The following CHID1 variants were observed in gnomAD, a reference collection of about 807,000 sequenced individuals.
CHID1 encodes the protein chitinase domain-containing protein 1.
Under a neutral mutation model 55.4 loss-of-function variants are expected in CHID1, and 44 were observed. The observed-to-expected ratio is 0.79, with a 90% CI of 0.62 to 1.02. The LOEUF (loss-of-function observed/expected upper bound fraction) is 1.02. CHID1 is among the 50% of genes least tolerant of loss of function. The pLI is 0.00. For missense variants in CHID1, 491 were observed against 515.3 expected, an observed-to-expected ratio of 0.95 and a Z score of 0.46; for synonymous variants, 216 against 212.9, an observed-to-expected ratio of 1.01 and a Z score of -0.13.
chr11:914,948 A>C, upstream of CHID1: 1 of 209,824 alleles, frequency 4.8e-6, no homozygotes, highest in Non-Finnish European at 9.7e-6. Flanking sequence ...GGCCTGGGTC[A>C]CCCAAGGGCA....
At chr11:873,327 G>A (rs557550358) in intron 10 of CHID1, among the ~76,000 whole-genome samples, 17 of 152,258 alleles carry the variant, frequency 1.1e-4, no homozygotes, top group Admixed American at 2.6e-4. Flanking sequence ...GGCCATCCAG[G>A]CTGGTAACTG....
chr11:885,614 C>A (rs1256711770), intron 8 of CHID1, among the ~76,000 whole-genome samples: 1 of 152,158 alleles, frequency 6.6e-6, no homozygotes, highest in Admixed American at 6.5e-5. Flanking sequence ...TTCTCTATAG[C>A]CAAGTGCCCC....
intron 8 of CHID1, among the ~76,000 whole-genome samples, chr11:891,960 A>AAAAAAAC (rs1565184208): frequency 7.3e-6 from 1 of 137,078 alleles, no homozygotes. Flanking sequence ...AAAAAAAAAA[A>AAAAAAAC]CACAAATTAA....
chr11:881,823 A>G (rs1849958396), intron 10 of CHID1, among the ~76,000 whole-genome samples: 1 of 151,590 alleles, frequency 6.6e-6, no homozygotes, highest in Non-Finnish European at 1.5e-5. Flanking sequence ...ACAACATGGC[A>G]AAACCCTGTC....
chr11:888,939 G>GCCCCTC (rs1422296151), intron 8 of CHID1, among the ~76,000 whole-genome samples: 1 of 152,202 alleles, frequency 6.6e-6, no homozygotes, highest in African/African-American at 2.4e-5. Flanking sequence ...CAACGCCAGT[G>GCCCCTC]CCCCTCCCCC....
chr11:901,674 C>T (rs1012234650), intron 4 of CHID1, among the ~76,000 whole-genome samples: 2 of 152,338 alleles, frequency 1.3e-5, no homozygotes, highest in East Asian at 1.9e-4. Context: ...GTCCTGCACA[C>T]GCCTGTGTGC....
At position 875,974 on chromosome 11, in the gene CHID1, G is replaced by A. The variant is rs894332991; in HGVS notation, c.960-5475C>T. Among the ~76,000 whole-genome samples, 4 of 152,136 alleles carry A rather than the reference G, an allele frequency of 2.6e-5. No individual in the cohort carries two copies. The South Asian group carries it at 6.2e-4, about 24-fold the overall frequency. The stretch of plus-strand genomic sequence containing the variant: ...GGTGGCAGGCGCCGCATTGCTTGGC[G>A]GTGCACGTGGTGTGTGGGGGCATGT... On this transcript the variant is annotated intron_variant, in intron 10 of 12. Transcript: ENST00000323578. This position sits in a 1 kb window ranked among gnomAD's most constrained non-coding sequence, Gnocchi z 4.7.
At chr11:905,744 A>G (rs1852166091) in intron 1 of CHID1, among the ~76,000 whole-genome samples, 1 of 152,148 alleles carries the variant, frequency 6.6e-6, no homozygotes, top group Admixed American at 6.5e-5. Context: ...TGCCACGTTA[A>G]GTACTAGGAG....
intron 1 of CHID1, chr11:908,462 G>C (rs372980317): frequency 2.2e-4 from 99 of 455,816 alleles, no homozygotes; most frequent in African/African-American, 2.0e-3. Context: ...GCTGAGGCTT[G>C]GTCTGAGTCA....
intron 8 of CHID1, among the ~76,000 whole-genome samples, chr11:891,922 G>A (rs753056146): frequency 1.1e-4 from 15 of 133,510 alleles, no homozygotes; most frequent in Non-Finnish European, 2.1e-4. Flanking sequence ...TGGGCAACAT[G>A]GCAAAACCTC....
chr11:910,751 G>A (rs1212200802), intron 1 of CHID1, 24 bp downstream of exon 1: 3 of 1,193,326 alleles, frequency 2.5e-6, no homozygotes, highest in African/African-American at 1.7e-5. Flanking sequence ...AGGAGGAGCA[G>A]GGGCCGGCCG....
chr11:908,479 G>A, intron 1 of CHID1: 1 of 647,418 alleles, frequency 1.5e-6, no homozygotes, highest in Non-Finnish European at 1.9e-6. Context: ...GTCAGCAACA[G>A]CCCCAGGGAA....
intron 1 of CHID1, among the ~76,000 whole-genome samples, chr11:906,615 G>A (rs1056324018): frequency 6.6e-6 from 1 of 152,166 alleles, no homozygotes; most frequent in Non-Finnish European, 1.5e-5. Context: ...CTCGTGGTGT[G>A]CCGGTCAATG....
chr11:908,750 A>G (rs995203442), intron 1 of CHID1: 2 of 262,540 alleles, frequency 7.6e-6, no homozygotes, highest in Non-Finnish European at 1.2e-5. Flanking sequence ...GTGACCAACC[A>G]CTATAGGGCT....
Position 904,675 on chromosome 11 carries a change from C to T in CHID1, c.111+31G>A, listed in dbSNP as rs578089894. On this transcript the variant is annotated intron_variant, in intron 2 of 12. Transcript: ENST00000323578. ...ATGATGGATCAGCCCTCAGCCAGTA[C>T]AGTCACCTCAAGTCCCCAGGCCACC... 7 of 1,613,120 alleles carry T rather than the reference C, an allele frequency of 4.3e-6. No homozygotes were observed. In the African/African-American group the frequency reaches 9.3e-5, roughly 21 times the overall value.
chr11:870,098 C>G, intron 12 of CHID1, 23 bp downstream of exon 12: 1 of 1,612,844 alleles, frequency 6.2e-7, no homozygotes, highest in Non-Finnish European at 8.5e-7. Context: ...CTCCCCCGGT[C>G]CCACGGCTGG....
At chr11:896,694 C>G (rs2134276399) in intron 7 of CHID1, among the ~76,000 whole-genome samples, 2 of 133,624 alleles carry the variant, frequency 1.5e-5, no homozygotes, top group South Asian at 2.8e-4. Flanking sequence ...AGACATGAGG[C>G]TGTCTCAGCA....
rs1364678596 is a variant in CHID1, at chr11:910,789, G to A, written c.-58C>T. 1.2e-5 allele frequency: 13 copies of A among 1,121,260 alleles called. 1 individual carries two copies. Among genetic ancestry groups the A allele is most frequent in the South Asian group, 7.1e-5 (4 of 55,974 alleles). 69.5% of individuals were successfully genotyped at this position (1,121,260 alleles called of 1,614,324 possible). A position where few individuals can be genotyped will look rare whatever the true frequency, so the allele number is the denominator to read the frequency against. ...GCGGGGCTCACCTGCATGTCAGGGA[G>A]GCCGGACGGCCACAAACGCACGGCC... On this transcript the variant is annotated 5_prime_UTR_variant, in exon 1 of 13. Transcript: ENST00000323578.
In CHID1 at chr11:875,551, TG is replaced by T. The variant is rs1379302516; in HGVS notation, c.960-5053del. Among the ~76,000 whole-genome samples, 1 of 152,028 alleles carries T rather than the reference TG, an allele frequency of 6.6e-6. No individual in the cohort carries two copies. The highest frequency in any genetic ancestry group is 2.4e-5 in the African/African-American group (1 of 41,408). ...CTCGTCACTGGCTATCGGAGAGCGCTGGGGTGTTAGGAGAACACGGTGAGCA... is the reference window on the plus strand; with the variant it reads ...CTCGTCACTGGCTATCGGAGAGCGCTGGGTGTTAGGAGAACACGGTGAGCA... On this transcript the variant is annotated intron_variant, in intron 10 of 12. Coordinates refer to ENST00000323578, the MANE Select transcript of CHID1 (RefSeq NM_023947.4). This position sits in a 1 kb window ranked among gnomAD's most constrained non-coding sequence, Gnocchi z 4.7.
Sources: allele counts gnomAD v4.1 joint callset (sites outside exome capture counted in the v4.1 genomes callset), GRCh38; gene constraint gnomAD v4.1.1; non-coding constraint Gnocchi (gnomAD v3.1); transcripts MANE v1.5; gene names NCBI Gene and HGNC (gene_info 2026-07-23, HGNC 2026-07-21).